ZNF260: variants seen among roughly 807,000 people sequenced by gnomAD.
ZNF260 encodes zinc finger protein 260, also known as zfp-260.
Under a neutral mutation model 29.3 loss-of-function variants are expected in ZNF260, and 21 were observed. The observed-to-expected ratio is 0.72, with a 90% CI of 0.51 to 1.03. The LOEUF (loss-of-function observed/expected upper bound fraction) is 1.03. ZNF260 is among the 50% of genes least tolerant of loss of function. ZNF260 has a pLI of 0.00. For synonymous variants in ZNF260, 156 were observed against 156.8 expected (o/e 0.99, Z 0.04); for missense variants, 465 against 487.8 (o/e 0.95, Z 0.44).
chr19:36,513,692 A>G lies in ZNF260; in HGVS notation c.*308T>C, dbSNP rs185351469. 9.4e-6 allele frequency: 4 copies of G among 427,348 alleles called. No individual in the cohort carries two copies. In the Admixed American group the frequency reaches 1.1e-4, roughly 12 times the overall value. The allele number at this position is 427,348 out of a possible 1,614,324, so 26.5% of individuals were successfully genotyped here. ...TTAATTTCAAATCCTCATACATCTC[A>G]TATCTATTTCTTAATGCATCTGTAG... On this transcript the variant is annotated 3_prime_UTR_variant, in exon 3 of 3. Transcript: ENST00000523638.
intron 2 of ZNF260, among the ~76,000 whole-genome samples, chr19:36,523,856 G>A (rs148154994): frequency 5.3e-4 from 80 of 152,074 alleles, no homozygotes; most frequent in African/African-American, 1.7e-3. Context: ...GATTACAGGC[G>A]TGCACCACCA....
chr19:36,526,744 A>C (rs2967450), intron 1 of ZNF260, among the ~76,000 whole-genome samples: 53,118 of 152,024 alleles, frequency 0.35, 9,486 homozygotes, highest in African/African-American at 0.41. Context: ...TCGCAAGCTT[A>C]ACAACAGTTA....
chr19:36,526,521 CAG>C (rs2034737340), intron 1 of ZNF260, among the ~76,000 whole-genome samples: 1 of 152,096 alleles, frequency 6.6e-6, no homozygotes, highest in African/African-American at 2.4e-5. Context: ...GTCTGGGTGA[CAG>C]AGTGAGACTC....
In ZNF260 at chr19:36,514,096, G is replaced by T; in HGVS notation, c.1143C>A (p.Ile381=). 3.1e-6 allele frequency: 5 copies of T among 1,613,954 alleles called. No individual in the cohort carries two copies. Among genetic ancestry groups the T allele is most frequent in the Non-Finnish European group, 4.2e-6 (5 of 1,179,954 alleles). The stretch of plus-strand genomic sequence containing the variant: ...ACTGATAAGGTTTTTCACCAGTATG[G>T]ATTCTCATGTGCAGAGCAAGGGTTG... ...QFSTLALHMR[I]HTGEKPYQCS... The change falls in exon 3 of 3, where the codon ATC becomes ATA. Residue 381 remains isoleucine (I), a synonymous_variant. Coordinates refer to ENST00000523638, the MANE Select transcript of ZNF260 (RefSeq NM_001166037.2).
rs2034509076 is a variant in ZNF260 at position 36,514,503 on chromosome 19, T to G, written c.736A>C (p.Lys246Gln). The stretch of plus-strand genomic sequence containing the variant: ...CCACATTCCTTACACGTATAAGGTT[T>G]CTCTCCTGTGTGACTTCTCTGGTGT... ...IRHQRSHTGEKPYTCKECGKA... is the reference protein window; with the variant it reads ...IRHQRSHTGEQPYTCKECGKA... Residue 246 changes from lysine to glutamine, a missense_variant, in exon 3 of 3, where the codon AAA becomes CAA. Physicochemically the swap from Lys to Gln is moderately conservative, Grantham distance 53. Coordinates refer to ENST00000523638, the MANE Select transcript of ZNF260 (RefSeq NM_001166037.2). The G allele has an allele frequency of 5.6e-6, 9 of 1,614,142 alleles. No individual in the cohort carries two copies. Among genetic ancestry groups the G allele is most frequent in the Non-Finnish European group, 7.6e-6 (9 of 1,180,010 alleles).
chr19:36,522,721 T>G (rs2034666774), intron 2 of ZNF260, among the ~76,000 whole-genome samples: 1 of 152,172 alleles, frequency 6.6e-6, no homozygotes, highest in Non-Finnish European at 1.5e-5. Flanking sequence ...GAAACCAGGT[T>G]GCATTGTTGA....
intron 2 of ZNF260, among the ~76,000 whole-genome samples, chr19:36,521,873 C>T (rs2145752660): frequency 6.6e-6 from 1 of 151,698 alleles, no homozygotes; most frequent in Admixed American, 6.6e-5. Context: ...CATGGTGAAA[C>T]CCCGTCTCTA....
chr19:36,527,712 G>T (rs2034759459), intron 1 of ZNF260, among the ~76,000 whole-genome samples: 1 of 152,024 alleles, frequency 6.6e-6, no homozygotes, highest in South Asian at 2.1e-4. Context: ...TGGGTGTACA[G>T]GCACCCAGTA....
chr19:36,513,950 TG>T lies in ZNF260; in HGVS notation c.*49del. ...ATGAATTTTCCAATACACTATTAAG[TG>T]TAAAATCTGCTGAACGTTTTGCTAA... On this transcript the variant is annotated 3_prime_UTR_variant, in exon 3 of 3. Coordinates refer to ENST00000523638, the MANE Select transcript of ZNF260 (RefSeq NM_001166037.2). 6.4e-7 allele frequency: 1 copy of T among 1,561,048 alleles called. No homozygotes were observed. Among genetic ancestry groups the T allele is most frequent in the Non-Finnish European group, 8.7e-7 (1 of 1,150,560 alleles).
rs371232522 is a variant in ZNF260 at position 36,514,021 on chromosome 19, G to A, written c.1218C>T (p.His406=). The A allele has an allele frequency of 1.2e-6, 2 of 1,613,208 alleles. No individual in the cohort carries two copies. Among genetic ancestry groups the A allele is most frequent in the Admixed American group, 1.7e-5 (1 of 59,944 alleles). ...AFSQKSHHIR[H]QRIHTH is the part of the protein sequence containing the mutation. ...AACTTTAATGAGTATGAATTCTCTG[G>A]TGTCTAATGTGATGTGACTTTTGGC... The change falls in exon 3 of 3, where the codon CAC becomes CAT. Residue 406 remains histidine, a synonymous_variant. Transcript: ENST00000523638.
Position 36,522,831 on chromosome 19 carries a change from A to G in ZNF260, c.-462+2324T>C, listed in dbSNP as rs910697327. On this transcript the variant is annotated intron_variant, in intron 2 of 2. Transcript: ENST00000523638. Reference sequence around the variant, plus strand: ...CAAAGTTAGCATGCAAATCTGGACTATTCACCACATGAGTGTTATGTGACC... The same window carrying G: ...CAAAGTTAGCATGCAAATCTGGACTGTTCACCACATGAGTGTTATGTGACC... Among the ~76,000 whole-genome samples the G allele has an allele frequency of 2.0e-5, 3 of 152,230 alleles. No homozygotes were observed. The South Asian group carries it at 6.2e-4, about 31-fold the overall frequency.
chr19:36,519,036 A>C (rs908925621), intron 2 of ZNF260, among the ~76,000 whole-genome samples: 1 of 152,070 alleles, frequency 6.6e-6, no homozygotes, highest in Non-Finnish European at 1.5e-5. Flanking sequence ...GTCTTAACAA[A>C]AAAAAAAAAT....
chr19:36,518,484 T>G (rs1156574484), intron 2 of ZNF260, among the ~76,000 whole-genome samples: 1 of 152,144 alleles, frequency 6.6e-6, no homozygotes, highest in East Asian at 1.9e-4. Context: ...CAATATGAAA[T>G]TGATCTTAAA....
chr19:36,526,215 A>C (rs2034731046), intron 1 of ZNF260, among the ~76,000 whole-genome samples: 1 of 152,190 alleles, frequency 6.6e-6, no homozygotes, highest in Middle Eastern at 3.2e-3. Flanking sequence ...CACTGTGGAT[A>C]CCAAAATCTG....
rs759846568 is a variant in ZNF260, at chr19:36,515,217, G to GACTTTCCA, written c.14_21dup (p.Leu8TrpfsTer34). 1 of 1,582,310 alleles carries GACTTTCCA rather than the reference G, an allele frequency of 6.3e-7. No homozygotes were observed. Among genetic ancestry groups the GACTTTCCA allele is most frequent in the Non-Finnish European group, 8.6e-7 (1 of 1,163,028 alleles). Reference sequence around the variant, plus strand: ...TGAAGGAGATCTGATTCATGCTGAAGACTTTCCAACATGCCTATCATGCAT... The same window carrying GACTTTCCA: ...TGAAGGAGATCTGATTCATGCTGAAGACTTTCCAACTTTCCAACATGCCTATCATGCAT... On this transcript the variant is annotated frameshift_variant, in exon 3 of 3. Transcript: ENST00000523638. LOFTEE classifies it high-confidence loss of function.
chr19:36,526,568 T>C (rs1399888458), intron 1 of ZNF260, among the ~76,000 whole-genome samples: 1 of 152,010 alleles, frequency 6.6e-6, no homozygotes, highest in Non-Finnish European at 1.5e-5. Context: ...TGAATGGAAG[T>C]ATATTTACAT....
At position 36,514,198 on chromosome 19, in the gene ZNF260, A is replaced by G. The variant is rs2034499698; in HGVS notation, c.1041T>C (p.Leu347=). Residue 347 remains leucine, a synonymous_variant, in exon 3 of 3, where the codon CTT becomes CTC. Coordinates refer to ENST00000523638, the MANE Select transcript of ZNF260 (RefSeq NM_001166037.2). Reference sequence around the variant, plus strand: ...CTGTATGGCTTCTCATATGCACAGTAAGAGATGAGCTTTGACAGAAGGCTT... The same window carrying G: ...CTGTATGGCTTCTCATATGCACAGTGAGAGATGAGCTTTGACAGAAGGCTT... ...CGKAFCQSSS[L]TVHMRSHTGE... 2 of 1,614,032 alleles carry G rather than the reference A, an allele frequency of 1.2e-6. No individual in the cohort carries two copies. The highest frequency in any genetic ancestry group is 1.6e-4 in the Middle Eastern group (1 of 6,062).
At chr19:36,516,545 G>A (rs112850005) in intron 2 of ZNF260, among the ~76,000 whole-genome samples, 2,052 of 152,280 alleles carry the variant, frequency 0.013, 50 homozygotes, top group African/African-American at 0.046. Flanking sequence ...AGCTATGATC[G>A]TGCCAGTGTC....
intron 2 of ZNF260, among the ~76,000 whole-genome samples, chr19:36,523,395 T>A (rs1904756502): frequency 1.3e-5 from 2 of 152,202 alleles, no homozygotes; most frequent in South Asian, 4.1e-4. Flanking sequence ...ATCACATCAC[T>A]GCTCTACTTG....
Sources: gnomAD v4.1 joint callset for allele counts (sites outside exome capture counted in the v4.1 genomes callset) on GRCh38, gnomAD v4.1.1 for gene constraint, MANE v1.5 for transcripts, NCBI Gene and HGNC (gene_info 2026-07-23, HGNC 2026-07-21) for gene names.